NFATC2: variants seen among roughly 807,000 people sequenced by gnomAD.
NFATC2 encodes nuclear factor of activated T cells 2, also known as nuclear factor of activated T-cells, cytoplasmic 2.
A neutral mutation model predicts 87.3 loss-of-function variants in NFATC2; 22 were observed. That is an observed-to-expected ratio of 0.25 (90% confidence interval 0.18 to 0.36). The LOEUF is 0.36. Ranked by LOEUF, NFATC2 falls within the 10% of genes least tolerant of loss-of-function variation. NFATC2 has a pLI of 1.00. For missense variants in NFATC2, 1,149 were observed against 1,259.1 expected (o/e 0.91, Z 1.32); for synonymous variants, 565 against 542.2 (o/e 1.04, Z -0.58).
At chr20:51,425,052 A>G (rs1163227439) in intron 9 of NFATC2, among the ~76,000 whole-genome samples, 2 of 152,082 alleles carry the variant, frequency 1.3e-5, no homozygotes, top group African/African-American at 4.8e-5. Context: ...AGATTAGGAA[A>G]AAAATTGTCT....
At chr20:51,396,735 A>G (rs150625409) in intron 10 of NFATC2, among the ~76,000 whole-genome samples, 5 of 152,198 alleles carry the variant, frequency 3.3e-5, no homozygotes, top group Non-Finnish European at 5.9e-5. Context: ...TCTGCCTTGC[A>G]GTGCCTTGCT....
At position 51,435,206 on chromosome 20, in the gene NFATC2, G is replaced by T; in HGVS notation, c.2014C>A (p.His672Asn). The change falls in exon 8 of 11, where the codon CAC (histidine) becomes AAC (asparagine). Residue 672 changes from histidine (H) to asparagine (N), a missense_variant. His to Asn is a moderately conservative substitution (Grantham distance 68). Coordinates refer to ENST00000371564, the MANE Select transcript of NFATC2 (RefSeq NM_012340.5). ...TCCTTACCTGGGTGGTAGGTAAAGTGCTGAGGCTGACTTCGTTTTCTCTTC... is the reference window on the plus strand; with the variant it reads ...TCCTTACCTGGGTGGTAGGTAAAGTTCTGAGGCTGACTTCGTTTTCTCTTC... ...NGKRKRSQPQ[H>N]FTYHPVPAIK... 6.2e-7 allele frequency: 1 copy of T among 1,614,202 alleles called. No individual in the cohort carries two copies. The highest frequency in any genetic ancestry group is 1.1e-5 in the South Asian group (1 of 91,088).
At chr20:51,488,185 C>T (rs536189265) in intron 3 of NFATC2, among the ~76,000 whole-genome samples, 1 of 152,306 alleles carries the variant, frequency 6.6e-6, no homozygotes, top group East Asian at 1.9e-4. Context: ...AAGTGCCTCT[C>T]AGGAAAGAAG....
intron 8 of NFATC2, among the ~76,000 whole-genome samples, chr20:51,433,763 G>A (rs879303672): frequency 0.012 from 1,551 of 133,166 alleles, 26 homozygotes; most frequent in African/African-American, 0.049. Flanking sequence ...GCATGCATGT[G>A]TGTGTGTGTG....
rs1406590772 is a variant in NFATC2 at position 51,392,021 on chromosome 20, C to A, written c.*45-570G>T. On this transcript the variant is annotated intron_variant, in intron 10 of 10. Transcript: ENST00000371564. ...CTTTGTGGGAAAAATGGATTTGAGCCATAGGGCATGTTTGAAGTAACTTTC... is the reference window on the plus strand; with the variant it reads ...CTTTGTGGGAAAAATGGATTTGAGCAATAGGGCATGTTTGAAGTAACTTTC... Among the ~76,000 whole-genome samples the A allele has an allele frequency of 2.6e-5, 4 of 152,250 alleles. 1 individual carries two copies. The highest frequency in any genetic ancestry group is 9.6e-5 in the African/African-American group (4 of 41,534).
chr20:51,537,378 G>A (rs1448951285), intron 1 of NFATC2, among the ~76,000 whole-genome samples: 1 of 152,114 alleles, frequency 6.6e-6, no homozygotes, highest in Non-Finnish European at 1.5e-5. Flanking sequence ...TTTTTAAAGG[G>A]CTGTGACCTC....
At chr20:51,473,002 A>T (rs1287416076) in intron 5 of NFATC2, among the ~76,000 whole-genome samples, 1 of 152,210 alleles carries the variant, frequency 6.6e-6, no homozygotes, top group African/African-American at 2.4e-5. Flanking sequence ...AATTGCAGAG[A>T]TTAACTACAA....
At chr20:51,557,186 T>C (rs1257947884) in intron 1 of NFATC2, among the ~76,000 whole-genome samples, 1 of 152,150 alleles carries the variant, frequency 6.6e-6, no homozygotes, top group Non-Finnish European at 1.5e-5. Context: ...CAGGGTTTTG[T>C]GGGTGTGTGT....
chr20:51,449,719 G>A (rs931825820), intron 6 of NFATC2, among the ~76,000 whole-genome samples: 1 of 152,130 alleles, frequency 6.6e-6, no homozygotes, highest in African/African-American at 2.4e-5. Flanking sequence ...TCCCACCACT[G>A]CCCTTTATCA....
chr20:51,530,230 G>A (rs1462722555), intron 1 of NFATC2, among the ~76,000 whole-genome samples: 3 of 152,058 alleles, frequency 2.0e-5, no homozygotes, highest in Admixed American at 1.3e-4. Flanking sequence ...ACAGTGGTGC[G>A]ATCTCGACTC....
chr20:51,441,182 C>A (rs1036574990), intron 6 of NFATC2, among the ~76,000 whole-genome samples: 2 of 152,186 alleles, frequency 1.3e-5, no homozygotes, highest in Non-Finnish European at 2.9e-5. Flanking sequence ...ACTCGGGAGG[C>A]TGAGGCAGGA....
chr20:51,480,289 A>AAAAAAAATAAAAT lies in NFATC2; in HGVS notation c.1333-4630_1333-4629insATTTTATTTTTTT, dbSNP rs1555803765. On this transcript the variant is annotated intron_variant, in intron 3 of 10. Transcript: ENST00000371564. This position sits in a 1 kb window ranked among gnomAD's most constrained non-coding sequence, Gnocchi z 4.2. The stretch of plus-strand genomic sequence containing the variant: ...GGTCACAAAGCAAGACTCTGTCTCA[A>AAAAAAAATAAAAT]AAAAAATAGAATGTGCTTCCTGCCG... Among the ~76,000 whole-genome samples the AAAAAAAATAAAAT allele has an allele frequency of 1.6e-4, 25 of 151,696 alleles. No homozygotes were observed. The highest frequency in any genetic ancestry group is 2.7e-4 in the African/African-American group (11 of 41,216).
At chr20:51,506,920 C>T (rs1181533850) in intron 3 of NFATC2, among the ~76,000 whole-genome samples, 1 of 152,228 alleles carries the variant, frequency 6.6e-6, no homozygotes, top group African/African-American at 2.4e-5. Context: ...AGGGCAGAAC[C>T]TGAATGCCTG....
chr20:51,475,455 T>A lies in NFATC2; in HGVS notation c.1535+3A>T. 6.2e-7 allele frequency: 1 copy of A among 1,613,486 alleles called. No individual in the cohort carries two copies. Among genetic ancestry groups the A allele is most frequent in the Non-Finnish European group, 8.5e-7 (1 of 1,179,994 alleles). On this transcript the variant is annotated splice_donor_region_variant and intron_variant, in intron 4 of 10. Coordinates refer to ENST00000371564, the MANE Select transcript of NFATC2 (RefSeq NM_012340.5). The stretch of plus-strand genomic sequence containing the variant: ...CCCGCCGCCCTCAGCTCCCAGCCCT[T>A]ACGTTGCCCTCATGTTGTTTTTGGG...
Position 51,432,964 on chromosome 20 carries a change from T to C in NFATC2, c.2033-208A>G, listed in dbSNP as rs767254533. On this transcript the variant is annotated intron_variant, in intron 8 of 10. Coordinates refer to ENST00000371564, the MANE Select transcript of NFATC2 (RefSeq NM_012340.5). This position sits in a 1 kb window ranked among gnomAD's most constrained non-coding sequence, Gnocchi z 4.6. ...AATTTTACCCTGGCCATGAACATCT[T>C]GAATTATAGATTTTTCCAATATTGG... Among the ~76,000 whole-genome samples the C allele has an allele frequency of 4.3e-4, 65 of 152,176 alleles. No individual in the cohort carries two copies. Among genetic ancestry groups the C allele is most frequent in the Middle Eastern group, 3.4e-3 (1 of 294 alleles).
chr20:51,479,543 C>T (rs796548183), intron 3 of NFATC2, among the ~76,000 whole-genome samples: 13 of 152,312 alleles, frequency 8.5e-5, no homozygotes, highest in African/African-American at 3.1e-4. Flanking sequence ...TCAGTTGAGT[C>T]CAGGAGGTTG....
chr20:51,528,461 T>A (rs1412374579), intron 1 of NFATC2, among the ~76,000 whole-genome samples: 2 of 152,070 alleles, frequency 1.3e-5, no homozygotes, highest in East Asian at 3.8e-4. Flanking sequence ...CACCTGCACA[T>A]ATATACACAG....
At position 51,405,599 on chromosome 20, in the gene NFATC2, G is replaced by A. The variant is rs181231864; in HGVS notation, c.2723-6869C>T. 3.6e-4 allele frequency among the ~76,000 whole-genome samples: 55 copies of A among 152,236 alleles called. 2 individuals are homozygous for A. In the East Asian group the frequency reaches 9.3e-3, roughly 26 times the overall value. On this transcript the variant is annotated intron_variant, in intron 9 of 10. Transcript: ENST00000371564. ...AGCATGAATCAGATCACAGAACCCC[G>A]TATCTTGAAACCCGTGACATTTTAA...
intron 1 of NFATC2, among the ~76,000 whole-genome samples, chr20:51,540,663 T>TTTTTTTTTTGTTTGTTTTTTTTTTGTTTG (rs1555818354): frequency 7.4e-6 from 1 of 135,690 alleles, no homozygotes; most frequent in African/African-American, 2.8e-5. Context: ...TTTTTGTTTT[T>TTTTTTTTTTGTTTGTTTTTTTTTTGTTTG]TTTTTTTTGA....
Sources: gnomAD v4.1 joint callset for allele counts (sites outside exome capture counted in the v4.1 genomes callset) on GRCh38, gnomAD v4.1.1 for gene constraint, Gnocchi (gnomAD v3.1) non-coding constraint, MANE v1.5 for transcripts, NCBI Gene and HGNC (gene_info 2026-07-23, HGNC 2026-07-21) for gene names.